ST8SIA1: variants seen among roughly 807,000 people sequenced by gnomAD.
The protein encoded by ST8SIA1 is alpha-N-acetylneuraminide alpha-2,8-sialyltransferase.
Under a neutral mutation model 35.9 loss-of-function variants are expected in ST8SIA1, and 16 were observed. The observed-to-expected ratio is 0.45, with a 90% CI of 0.30 to 0.68. The LOEUF (loss-of-function observed/expected upper bound fraction) is 0.68. Ranked by LOEUF, ST8SIA1 falls within the 30% of genes least tolerant of loss-of-function variation. The pLI is 0.09. For synonymous variants in ST8SIA1, 170 were observed against 169.6 expected (o/e 1.00, Z -0.02); for missense variants, 383 against 453.6 (o/e 0.84, Z 1.41).
At chr12:22,293,101 A>AGACT (rs1376246322) in intron 1 of ST8SIA1, among the ~76,000 whole-genome samples, 1 of 152,242 alleles carries the variant, frequency 6.6e-6, no homozygotes, top group Non-Finnish European at 1.5e-5. Context: ...TAATTGCTTT[A>AGACT]GACTGACAAA....
At chr12:22,332,983 C>T (rs141899362) in intron 1 of ST8SIA1, among the ~76,000 whole-genome samples, 401 of 152,264 alleles carry the variant, frequency 2.6e-3, no homozygotes, top group Non-Finnish European at 2.5e-3. Flanking sequence ...GTGAAAGGGG[C>T]ACCTCGCAGT....
intron 1 of ST8SIA1, among the ~76,000 whole-genome samples, chr12:22,305,093 G>A (rs1057305274): frequency 2.0e-5 from 3 of 152,128 alleles, no homozygotes; most frequent in Non-Finnish European, 4.4e-5. Flanking sequence ...CAAAAGAAGA[G>A]GTCTTAGGAA....
intron 3 of ST8SIA1, among the ~76,000 whole-genome samples, chr12:22,254,835 G>A (rs1380531099): frequency 6.6e-6 from 1 of 152,004 alleles, no homozygotes; most frequent in Non-Finnish European, 1.5e-5. Context: ...GATTTAATCC[G>A]TCTTCAGATC....
intron 4 of ST8SIA1, among the ~76,000 whole-genome samples, chr12:22,216,184 C>CG (rs1865231960): frequency 6.6e-6 from 1 of 152,120 alleles, no homozygotes; most frequent in Non-Finnish European, 1.5e-5. Flanking sequence ...TTTAACAGAT[C>CG]GGTCTCTAAC....
intron 4 of ST8SIA1, among the ~76,000 whole-genome samples, chr12:22,240,646 C>A (rs964055901): frequency 1.2e-4 from 18 of 152,006 alleles, no homozygotes; most frequent in African/African-American, 3.6e-4. Context: ...AGATAAATTG[C>A]TGTAATCTTG....
At chr12:22,251,596 T>C (rs967994360) in intron 3 of ST8SIA1, among the ~76,000 whole-genome samples, 2 of 152,212 alleles carry the variant, frequency 1.3e-5, no homozygotes, top group African/African-American at 2.4e-5. Context: ...CCTCAACTCA[T>C]AAATTGATAA....
chr12:22,317,526 TG>T (rs1211048943), intron 1 of ST8SIA1, among the ~76,000 whole-genome samples: 1 of 152,234 alleles, frequency 6.6e-6, no homozygotes, highest in Non-Finnish European at 1.5e-5. Context: ...TGGTTGTTGG[TG>T]GCCTCAGTTC....
In ST8SIA1 at chr12:22,334,296, C is replaced by A; in HGVS notation, c.-64G>T. ...AGCACAAAGCTAGGCGAAGTGGCAG[C>A]GGAGGGTCCCCCACCGCCAGCCCCC... On this transcript the variant is annotated 5_prime_UTR_variant, in exon 1 of 5. Transcript: ENST00000396037. 7.4e-7 allele frequency: 1 copy of A among 1,344,704 alleles called. No homozygotes were observed. Among genetic ancestry groups the A allele is most frequent in the Non-Finnish European group, 1.0e-6 (1 of 967,246 alleles). 83.3% of individuals were successfully genotyped at this position (1,344,704 alleles called of 1,614,324 possible).
At chr12:22,328,652 T>C (rs1866713185) in intron 1 of ST8SIA1, among the ~76,000 whole-genome samples, 1 of 152,112 alleles carries the variant, frequency 6.6e-6, no homozygotes, top group Non-Finnish European at 1.5e-5. Flanking sequence ...AGGATTACAA[T>C]CATACATGCA....
chr12:22,291,277 C>T (rs776518692), intron 1 of ST8SIA1, among the ~76,000 whole-genome samples: 5 of 152,280 alleles, frequency 3.3e-5, no homozygotes, highest in East Asian at 1.9e-4. Flanking sequence ...CTTGTTATGA[C>T]GCTTTCAGAT....
intron 4 of ST8SIA1, among the ~76,000 whole-genome samples, chr12:22,213,308 A>C (rs575355984): frequency 6.6e-6 from 1 of 152,272 alleles, no homozygotes; most frequent in Admixed American, 6.5e-5. Flanking sequence ...CTCTACTATA[A>C]TACCTGATGT....
At chr12:22,310,702 C>G (rs1284492337) in intron 1 of ST8SIA1, among the ~76,000 whole-genome samples, 1 of 152,040 alleles carries the variant, frequency 6.6e-6, no homozygotes, top group Admixed American at 6.6e-5. Flanking sequence ...TTAGAAAAAT[C>G]AGACTACAAA....
At chr12:22,247,012 T>G (rs1865611905) in intron 4 of ST8SIA1, among the ~76,000 whole-genome samples, 1 of 152,148 alleles carries the variant, frequency 6.6e-6, no homozygotes, top group South Asian at 2.1e-4. Context: ...CAAAATTTAA[T>G]TTTTGACCCT....
Position 22,248,898 on chromosome 12 carries a change from T to C in ST8SIA1, c.584+108A>G, listed in dbSNP as rs901622927. The C allele has an allele frequency of 2.7e-5, 20 of 748,152 alleles. No homozygotes were observed. In the African/African-American group the frequency reaches 2.8e-4, roughly 11 times the overall value. 46.3% of individuals were successfully genotyped at this position (748,152 alleles called of 1,614,324 possible). A position where few individuals can be genotyped will look rare whatever the true frequency, so the allele number is the denominator to read the frequency against. On this transcript the variant is annotated intron_variant, in intron 4 of 4. Coordinates refer to ENST00000396037, the MANE Select transcript of ST8SIA1 (RefSeq NM_003034.4). ...TCATCCTTCCTGCCTGTCCAGATGG[T>C]TTTCCTCTTGATTTCCCAAACTGAA...
At chr12:22,288,899 T>C (rs958399366) in intron 1 of ST8SIA1, among the ~76,000 whole-genome samples, 2 of 152,340 alleles carry the variant, frequency 1.3e-5, no homozygotes, top group East Asian at 3.9e-4. Context: ...TTTGTTGTTG[T>C]TGTCCTTGTT....
At chr12:22,278,399 C>A (rs1303546721) in intron 2 of ST8SIA1, among the ~76,000 whole-genome samples, 2 of 152,170 alleles carry the variant, frequency 1.3e-5, no homozygotes, top group Non-Finnish European at 1.5e-5. Context: ...AACTTCAGTT[C>A]TTACTGACCT....
chr12:22,305,260 A>G (rs1321973950), intron 1 of ST8SIA1, among the ~76,000 whole-genome samples: 2 of 152,236 alleles, frequency 1.3e-5, no homozygotes, highest in Non-Finnish European at 1.5e-5. Flanking sequence ...AGAAAAAAGG[A>G]TAGACTAGTC....
intron 2 of ST8SIA1, among the ~76,000 whole-genome samples, chr12:22,257,284 T>G (rs1321423248): frequency 2.6e-5 from 4 of 151,788 alleles, no homozygotes; most frequent in African/African-American, 9.7e-5. Context: ...TGATCTCGGC[T>G]CACTGCAACT....
intron 2 of ST8SIA1, among the ~76,000 whole-genome samples, chr12:22,261,462 C>T (rs1865790884): frequency 6.6e-6 from 1 of 152,168 alleles, no homozygotes; most frequent in South Asian, 2.1e-4. Context: ...TTCTATCAAG[C>T]CATGAGTTTT....
Sources: allele counts gnomAD v4.1 joint callset (sites outside exome capture counted in the v4.1 genomes callset), GRCh38; gene constraint gnomAD v4.1.1; transcripts MANE v1.5; gene names NCBI Gene and HGNC (gene_info 2026-07-23, HGNC 2026-07-21).